The following FABP7 variants were observed in gnomAD, a reference collection of about 807,000 sequenced individuals.
FABP7 encodes fatty acid binding protein 7, also known as fatty acid-binding protein, brain.
In FABP7, 13 loss-of-function variants were observed where a neutral mutation model predicts 14.2. The observed-to-expected ratio is 0.91, with a 90% CI of 0.59 to 1.45. FABP7 has a LOEUF of 1.45. Among genes scored for constraint, FABP7 ranks in the 40% most tolerant of loss-of-function variants. The pLI, the probability that FABP7 is intolerant of heterozygous loss-of-function variation, is 0.00. For missense variants in FABP7, 149 were observed against 157.6 expected (o/e 0.95, Z 0.29); for synonymous variants, 49 against 51.4 (o/e 0.95, Z 0.20).
chr6:122,753,797 C>CCCCCCG, the FABP7 span, among the ~76,000 whole-genome samples: 11 of 106,018 alleles, frequency 1.0e-4, no homozygotes, highest in African/African-American at 1.9e-4. Context: ...CCCCCCCCGC[C>CCCCCCG]CACAGAAGTT....
the FABP7 span, among the ~76,000 whole-genome samples, chr6:122,755,433 T>C: frequency 1.3e-5 from 2 of 151,264 alleles, no homozygotes; most frequent in East Asian, 3.9e-4. Context: ...AATTCAACAT[T>C]TTCTACTCCT....
the FABP7 span, among the ~76,000 whole-genome samples, chr6:122,750,084 T>C: frequency 6.6e-6 from 1 of 152,196 alleles, no homozygotes; most frequent in Non-Finnish European, 1.5e-5. Flanking sequence ...AAGATTTATG[T>C]AAATTTTTAA....
chr6:122,774,318 G>C, the FABP7 span, among the ~76,000 whole-genome samples: 139,570 of 144,770 alleles, frequency 0.96, 67,461 homozygotes, highest in East Asian at 1. Flanking sequence ...GCCCAGATCA[G>C]GCCACTGCAC....
chr6:122,769,758 G>A, the FABP7 span, among the ~76,000 whole-genome samples: 7 of 152,060 alleles, frequency 4.6e-5, no homozygotes, highest in African/African-American at 1.7e-4. Context: ...ACAAACGTTT[G>A]TAATGTCATT....
At chr6:122,783,083 T>C (rs748755679) in intron 3 of FABP7, 139 of 985,288 alleles carry the variant, frequency 1.4e-4, no homozygotes, top group Non-Finnish European at 1.7e-4. Context: ...ATGAAAACCA[T>C]GAGCACCAAA....
the FABP7 span, among the ~76,000 whole-genome samples, chr6:122,751,697 A>T: frequency 5.2e-3 from 791 of 152,222 alleles, 10 homozygotes; most frequent in African/African-American, 0.018. Context: ...CTTCCACTCC[A>T]CCTGGGAACT....
chr6:122,750,873 G>A, the FABP7 span, among the ~76,000 whole-genome samples: 10 of 152,168 alleles, frequency 6.6e-5, no homozygotes, highest in Non-Finnish European at 1.3e-4. Flanking sequence ...TGAAAAGTTC[G>A]GATTTTGAAG....
At chr6:122,782,394 A>G in intron 3 of FABP7, 1 of 569,462 alleles carries the variant, frequency 1.8e-6, no homozygotes, top group Non-Finnish European at 2.2e-6. Context: ...GCAATCATTG[A>G]GGTTGTTGGG....
intron 3 of FABP7, chr6:122,782,310 C>CT: frequency 1.6e-6 from 1 of 635,086 alleles, no homozygotes; most frequent in Non-Finnish European, 2.0e-6. Context: ...CGCCTGAGAT[C>CT]AAGGCGACCC....
In FABP7 at chr6:122,779,779, AG is replaced by A. The variant is rs1468096394; in HGVS notation, c.-12del. 1 of 1,613,842 alleles carries A rather than the reference AG, an allele frequency of 6.2e-7. No homozygotes were observed. The highest frequency in any genetic ancestry group is 8.5e-7 in the Non-Finnish European group (1 of 1,179,828). ...AAGATCCCCGCTCCTGTCTCTAAAG[AG>A]GGGAAAGGGCAAGGATGGTGGAGGC... On this transcript the variant is annotated 5_prime_UTR_variant, in exon 1 of 4. Coordinates refer to ENST00000368444, the MANE Select transcript of FABP7 (RefSeq NM_001446.5).
At chr6:122,754,855 A>T in the FABP7 span, among the ~76,000 whole-genome samples, 3 of 152,038 alleles carry the variant, frequency 2.0e-5, no homozygotes, top group Non-Finnish European at 4.4e-5. Flanking sequence ...CACACAGAAG[A>T]TCTATCCAAC....
At chr6:122,753,973 C>T in the FABP7 span, among the ~76,000 whole-genome samples, 1 of 152,018 alleles carries the variant, frequency 6.6e-6, no homozygotes, top group South Asian at 2.1e-4. Context: ...TTCCATCTGC[C>T]ACGCAGAAAA....
the FABP7 span, among the ~76,000 whole-genome samples, chr6:122,773,051 C>T: frequency 6.6e-6 from 1 of 152,118 alleles, no homozygotes; most frequent in African/African-American, 2.4e-5. Context: ...TCAAGCAGAT[C>T]ATCCAGAGGC....
chr6:122,758,859 T>C, the FABP7 span, among the ~76,000 whole-genome samples: 1 of 152,182 alleles, frequency 6.6e-6, no homozygotes, highest in Non-Finnish European at 1.5e-5. Context: ...ATATATCAGG[T>C]TGTCAAACTT....
the FABP7 span, among the ~76,000 whole-genome samples, chr6:122,758,663 G>A: frequency 5.3e-5 from 8 of 152,118 alleles, no homozygotes; most frequent in Non-Finnish European, 8.8e-5. Flanking sequence ...CTAAGTATAT[G>A]CTGGGCTTTG....
chr6:122,766,213 A>T, the FABP7 span, among the ~76,000 whole-genome samples: 5 of 152,104 alleles, frequency 3.3e-5, no homozygotes, highest in Admixed American at 6.6e-5. Flanking sequence ...GCTTTTTAAC[A>T]TATTGTATGC....
At chr6:122,778,162 G>T (rs1562338494), upstream of FABP7, among the ~76,000 whole-genome samples, 1 of 152,056 alleles carries the variant, frequency 6.6e-6, no homozygotes, top group Non-Finnish European at 1.5e-5. Context: ...TGCTCATATT[G>T]GTTCAGAGTA....
chr6:122,774,615 C>T, the FABP7 span, among the ~76,000 whole-genome samples: 1 of 151,788 alleles, frequency 6.6e-6, no homozygotes, highest in Admixed American at 6.6e-5. Flanking sequence ...ATAGAACAGT[C>T]GAGTGGCTTT....
Position 122,780,448 on chromosome 6 carries a change from T to A in FABP7, c.231T>A (p.Asp77Glu). The A allele has an allele frequency of 1.2e-6, 2 of 1,612,460 alleles. No homozygotes were observed. Among genetic ancestry groups the A allele is most frequent in the East Asian group, 4.5e-5 (2 of 44,834 alleles). ...LGEEFDETTADDRNCKSVVSL... is the reference protein window; with the variant it reads ...LGEEFDETTAEDRNCKSVVSL... ...AAGAGTTTGATGAAACCACTGCAGA[T>A]GATAGAAACTGTAAGGTGAGAAACT... The change falls in exon 2 of 4, where the codon GAT (aspartate) becomes GAA (glutamate). Residue 77 changes from aspartate (D) to glutamate (E), a missense_variant. Asp to Glu is a conservative substitution (Grantham distance 45). Coordinates refer to ENST00000368444, the MANE Select transcript of FABP7 (RefSeq NM_001446.5).
Sources: gnomAD v4.1 joint callset for allele counts (sites outside exome capture counted in the v4.1 genomes callset) on GRCh38, gnomAD v4.1.1 for gene constraint, MANE v1.5 for transcripts, NCBI Gene and HGNC (gene_info 2026-07-23, HGNC 2026-07-21) for gene names.